EIF4G3: variants seen among roughly 807,000 people sequenced by gnomAD.
EIF4G3 encodes the protein eIF-4-gamma 3.
Under a neutral mutation model 186.4 loss-of-function variants are expected in EIF4G3, and 34 were observed. The ratio of observed to expected loss-of-function variants is 0.18; its 90% CI spans 0.14 to 0.24. EIF4G3 has a LOEUF of 0.24. Among genes scored for constraint, EIF4G3 ranks in the 10% least tolerant of loss-of-function variants. The pLI, the probability that EIF4G3 is intolerant of heterozygous loss-of-function variation, is 1.00. For synonymous variants in EIF4G3, 673 were observed against 679.5 expected, an observed-to-expected ratio of 0.99 and a Z score of 0.15; for missense variants, 1,536 against 1,948.5, an observed-to-expected ratio of 0.79 and a Z score of 3.99.
intron 2 of EIF4G3, among the ~76,000 whole-genome samples, chr1:21,130,132 C>G (rs938521249): frequency 5.9e-5 from 9 of 151,740 alleles, no homozygotes; most frequent in Non-Finnish European, 1.0e-4. Context: ...GGCTGTGATT[C>G]CAGCACTTTG....
intron 20 of EIF4G3, among the ~76,000 whole-genome samples, chr1:20,868,476 C>T (rs1298154428): frequency 3.3e-5 from 5 of 152,096 alleles, no homozygotes; most frequent in Admixed American, 3.3e-4. Flanking sequence ...TGGGCTCCAC[C>T]CTCATGACCT....
At chr1:20,889,616 G>A (rs1035173357) in intron 18 of EIF4G3, among the ~76,000 whole-genome samples, 3 of 151,674 alleles carry the variant, frequency 2.0e-5, no homozygotes, top group African/African-American at 2.4e-5. Context: ...TCAGCCTCCC[G>A]AGTAGCTGGG....
intron 12 of EIF4G3, among the ~76,000 whole-genome samples, chr1:20,966,233 T>TC (rs2074622862): frequency 6.6e-6 from 1 of 152,212 alleles, no homozygotes; most frequent in Non-Finnish European, 1.5e-5. Flanking sequence ...TATTTACTGT[T>TC]GAATCCTAAA....
At chr1:21,164,257 A>T (rs1301179345) in intron 2 of EIF4G3, among the ~76,000 whole-genome samples, 2 of 152,168 alleles carry the variant, frequency 1.3e-5, no homozygotes, top group Non-Finnish European at 2.9e-5. Flanking sequence ...CTTATACTCT[A>T]TTTTTTACAA....
chr1:20,893,464 A>G, intron 18 of EIF4G3, 53 bp downstream of exon 18: 1 of 1,507,602 alleles, frequency 6.6e-7, no homozygotes, highest in Non-Finnish European at 9.0e-7. Flanking sequence ...GTAGGATTTC[A>G]TGGAGTCTGT....
chr1:20,939,731 C>T (rs2095642326), intron 14 of EIF4G3, among the ~76,000 whole-genome samples: 1 of 151,802 alleles, frequency 6.6e-6, no homozygotes, highest in Admixed American at 6.6e-5. Context: ...TTGTAACTAT[C>T]GTATCACTAC....
rs1392802757 is a variant in EIF4G3 at position 21,067,131 on chromosome 1, CTTTTTTT to C, written c.-195-16144_-195-16138del. Among the ~76,000 whole-genome samples, 5 of 122,638 alleles carry C rather than the reference CTTTTTTT, an allele frequency of 4.1e-5. No homozygotes were observed. The East Asian group carries it at 9.3e-4, about 23-fold the overall frequency. 80.5% of individuals were successfully genotyped at this position (122,638 alleles called of 152,430 possible). On this transcript the variant is annotated intron_variant, in intron 3 of 36. Transcript: ENST00000602326. ...ACATATTAAGTAATTTTTTTCTTTT[CTTTTTTT>C]TTTTTTTTTTTGAGACGGAGTTTCA...
chr1:21,004,746 T>C (rs1453654551), intron 4 of EIF4G3, among the ~76,000 whole-genome samples: 2 of 152,268 alleles, frequency 1.3e-5, no homozygotes, highest in East Asian at 1.9e-4. Context: ...AAGGAAATAC[T>C]TGACAGGATT....
At chr1:21,134,281 G>A (rs1184009999) in intron 2 of EIF4G3, among the ~76,000 whole-genome samples, 1 of 152,076 alleles carries the variant, frequency 6.6e-6, no homozygotes, top group Non-Finnish European at 1.5e-5. Flanking sequence ...ATATACACAT[G>A]TCAAAATTGA....
rs71014120 is a variant in EIF4G3 at position 20,826,481 on chromosome 1, C to CTTTT, written c.4269+1132_4269+1135dup. On this transcript the variant is annotated intron_variant, in intron 32 of 36. Transcript: ENST00000602326. Reference sequence around the variant, plus strand: ...TGTGCCAGCCAGAATGTGAGTCTTTCTTTTTTTTTTTTTTTTTTTTTTTTT... The same window carrying CTTTT: ...TGTGCCAGCCAGAATGTGAGTCTTTCTTTTTTTTTTTTTTTTTTTTTTTTTTTTT... 7.1e-3 allele frequency among the ~76,000 whole-genome samples: 361 copies of CTTTT among 50,660 alleles called. 33 individuals are homozygous for CTTTT. The highest frequency in any genetic ancestry group is 0.033 in the Middle Eastern group (1 of 30). The allele number at this position is 50,660 out of a possible 152,430, so 33.2% of individuals were successfully genotyped here.
At chr1:21,033,089 T>C (rs908584832) in intron 4 of EIF4G3, among the ~76,000 whole-genome samples, 3 of 152,224 alleles carry the variant, frequency 2.0e-5, no homozygotes, top group African/African-American at 7.2e-5. Flanking sequence ...AACCTCACTA[T>C]GTTTCTAGAT....
chr1:21,081,689 C>G (rs1379384271), intron 3 of EIF4G3, among the ~76,000 whole-genome samples: 2 of 138,484 alleles, frequency 1.4e-5, no homozygotes, highest in African/African-American at 5.4e-5. Flanking sequence ...ATTGCCCAAG[C>G]TGGAGTGCAG....
rs545350120 is a variant in EIF4G3, at chr1:20,856,339, C to T, written c.3339+1064G>A. Among the ~76,000 whole-genome samples, 17 of 152,290 alleles carry T rather than the reference C, an allele frequency of 1.1e-4. No homozygotes were observed. The South Asian group carries it at 2.7e-3, about 24-fold the overall frequency. ...TATCTTCTTTCATGTAGTATTTTCA[C>T]ATTAGTTTTGATTGTCTTCAGTATT... On this transcript the variant is annotated intron_variant, in intron 25 of 36. Transcript: ENST00000602326.
chr1:20,825,023 C>G, intron 33 of EIF4G3, 77 bp downstream of exon 33: 1 of 904,058 alleles, frequency 1.1e-6, no homozygotes, highest in Non-Finnish European at 1.7e-6. Context: ...GACTGGAATA[C>G]GAAGGAAATT....
intron 11 of EIF4G3, among the ~76,000 whole-genome samples, chr1:20,972,361 C>T (rs993252034): frequency 9.9e-5 from 15 of 152,198 alleles, no homozygotes; most frequent in African/African-American, 3.1e-4. Context: ...TGGCCAGGCA[C>T]GGTGGCTCAC....
At chr1:21,169,004 C>A (rs1449438807) in intron 2 of EIF4G3, among the ~76,000 whole-genome samples, 1 of 151,818 alleles carries the variant, frequency 6.6e-6, no homozygotes, top group East Asian at 1.9e-4. Flanking sequence ...ATGGCAAAAC[C>A]CCATCTCTAC....
intron 14 of EIF4G3, among the ~76,000 whole-genome samples, chr1:20,932,253 G>A (rs942598677): frequency 6.6e-6 from 1 of 152,148 alleles, no homozygotes; most frequent in South Asian, 2.1e-4. Context: ...TGTTTTGGAT[G>A]AGGCTTTGAC....
At position 21,176,249 on chromosome 1, in the gene EIF4G3, C is replaced by T. The variant is rs1558321539; in HGVS notation, c.-346G>A. 5.3e-6 allele frequency: 2 copies of T among 376,572 alleles called. No individual in the cohort carries two copies. Among genetic ancestry groups the T allele is most frequent in the Admixed American group, 4.7e-5 (1 of 21,422 alleles). The allele number at this position is 376,572 out of a possible 1,614,324, so 23.3% of individuals were successfully genotyped here. The stretch of plus-strand genomic sequence containing the variant: ...GGACCGCTGCCGCCGCCGCCGCCGC[C>T]GCCGCCGCCGCCGCCGCTGCTGCCG... On this transcript the variant is annotated 5_prime_UTR_variant, in exon 2 of 37. Coordinates refer to ENST00000602326, the MANE Select transcript of EIF4G3 (RefSeq NM_001391906.1).
chr1:20,946,172 C>T (rs928710008), intron 13 of EIF4G3, among the ~76,000 whole-genome samples: 4 of 152,136 alleles, frequency 2.6e-5, no homozygotes, highest in African/African-American at 9.7e-5. Context: ...AGAATAGGTC[C>T]TAAATGCCAG....
Sources: gnomAD v4.1 joint callset for allele counts (sites outside exome capture counted in the v4.1 genomes callset) on GRCh38, gnomAD v4.1.1 for gene constraint, MANE v1.5 for transcripts, NCBI Gene and HGNC (gene_info 2026-07-23, HGNC 2026-07-21) for gene names.